SLAMF9: variants seen among roughly 807,000 people sequenced by gnomAD.
SLAMF9 encodes the protein SLAM family member 9, also known as CD2 family member 10.
Under a neutral mutation model 30.4 loss-of-function variants are expected in SLAMF9, and 25 were observed. The ratio of observed to expected loss-of-function variants is 0.82; its 90% confidence interval spans 0.60 to 1.15. SLAMF9 has a LOEUF of 1.15. Among genes scored for constraint, SLAMF9 ranks in the 50% most tolerant of loss-of-function variants. The probability of loss-of-function intolerance (pLI) is 0.00; values close to 1 mark genes in which losing one functional copy is unlikely to be tolerated. For synonymous variants in SLAMF9, 129 were observed against 127.2 expected (o/e 1.01, Z -0.09); for missense variants, 344 against 346.1 (o/e 0.99, Z 0.05).
the SLAMF9 span, among the ~76,000 whole-genome samples, chr1:159,963,055 C>T: frequency 6.6e-6 from 1 of 152,204 alleles, no homozygotes; most frequent in Non-Finnish European, 1.5e-5. Context: ...TGTCGAAGAG[C>T]ATGCCTCTGG....
the SLAMF9 span, chr1:159,977,218 C>T: frequency 6.6e-6 from 1 of 152,214 alleles, no homozygotes; most frequent in Non-Finnish European, 1.5e-5. Context: ...TAAACCCTAT[C>T]TTATAAGACA....
the SLAMF9 span, among the ~76,000 whole-genome samples, chr1:159,977,827 G>C: frequency 2.0e-5 from 3 of 152,198 alleles, no homozygotes; most frequent in African/African-American, 4.8e-5. Context: ...CAGGTGGTCA[G>C]AATGGGACAT....
At position 159,952,416 on chromosome 1, in the gene SLAMF9, G is replaced by A. The variant is rs769793931; in HGVS notation, c.510C>T (p.Leu170=). 6.2e-7 allele frequency: 1 copy of A among 1,614,110 alleles called. No individual in the cohort carries two copies. The highest frequency in any genetic ancestry group is 8.5e-7 in the Non-Finnish European group (1 of 1,180,006). Residue 170 remains leucine, a synonymous_variant, in exon 3 of 4, where the codon CTC becomes CTT. Coordinates refer to ENST00000368093, the MANE Select transcript of SLAMF9 (RefSeq NM_033438.4). ...ATGTATAAGTGCTATCCCCCCGGGA[G>A]AGCCAGCTGTAGGTCATATCCATGC... ...KAGMDMTYSW[L]SRGDSTYTFH...
chr1:159,964,348 C>T, the SLAMF9 span, among the ~76,000 whole-genome samples: 1 of 152,138 alleles, frequency 6.6e-6, no homozygotes, highest in Non-Finnish European at 1.5e-5. Flanking sequence ...TTGGTCTGGC[C>T]TTTGGAGAAT....
chr1:159,960,143 C>G, the SLAMF9 span, among the ~76,000 whole-genome samples: 2 of 150,848 alleles, frequency 1.3e-5, no homozygotes, highest in Non-Finnish European at 3.0e-5. Context: ...TTAGGTATAT[C>G]TCCTAATGCT....
the SLAMF9 span, among the ~76,000 whole-genome samples, chr1:159,977,762 C>G: frequency 1.3e-5 from 2 of 151,598 alleles, no homozygotes; most frequent in African/African-American, 4.9e-5. Context: ...ATGGAGCCAG[C>G]CATCTACACC....
upstream of SLAMF9, among the ~76,000 whole-genome samples, chr1:159,956,847 C>T (rs12759403): frequency 0.024 from 3,635 of 152,136 alleles, 65 homozygotes; most frequent in South Asian, 0.065. Flanking sequence ...AGGCCAGGCA[C>T]GGTGGCTCAC....
upstream of SLAMF9, among the ~76,000 whole-genome samples, chr1:159,957,203 G>A (rs1651941762): frequency 6.6e-6 from 1 of 151,798 alleles, no homozygotes; most frequent in Non-Finnish European, 1.5e-5. Context: ...GAAGCTGTGG[G>A]AGGGGTGGGG....
At chr1:159,983,409 C>G in the SLAMF9 span, 1 of 152,230 alleles carries the variant, frequency 6.6e-6, no homozygotes, top group Non-Finnish European at 1.5e-5. Flanking sequence ...AGGGAAAGTC[C>G]CCCTTTCCTA....
At chr1:159,977,162 C>T in the SLAMF9 span, 2 of 152,164 alleles carry the variant, frequency 1.3e-5, no homozygotes, top group Non-Finnish European at 2.9e-5. Context: ...GCTAAGATGA[C>T]ATCCAGACAG....
intron 1 of SLAMF9, 69 bp from the exon 2 acceptor site, chr1:159,953,722 G>A: frequency 1.4e-6 from 2 of 1,384,534 alleles, no homozygotes; most frequent in Admixed American, 2.1e-5. Context: ...TGGCAGTGGA[G>A]CTGCCAGAGT....
upstream of SLAMF9, among the ~76,000 whole-genome samples, chr1:159,955,282 C>A (rs376922669): frequency 6.6e-6 from 1 of 152,160 alleles, no homozygotes; most frequent in Non-Finnish European, 1.5e-5. Context: ...GTTCTGGATG[C>A]AATGGGCTGC....
chr1:159,973,775 A>C, the SLAMF9 span: 708 of 1,612,700 alleles, frequency 4.4e-4, 2 homozygotes, highest in African/African-American at 4.3e-3. Context: ...CCTGCCCCAC[A>C]AACTCCCAAG....
At chr1:159,973,200 G>A in the SLAMF9 span, 3 of 1,408,368 alleles carry the variant, frequency 2.1e-6, no homozygotes, top group East Asian at 6.9e-5. Flanking sequence ...GTGCAGCTTT[G>A]TTTGACATCT....
Position 159,952,836 on chromosome 1 carries a change from A to G in SLAMF9, c.392-302T>C, listed in dbSNP as rs550876421. On this transcript the variant is annotated intron_variant, in intron 2 of 3. Transcript: ENST00000368093. Reference sequence around the variant, plus strand: ...TTCTGTCTCCTTGATCCCATGAAATATTATCGCCCCTCTCAGGGGCATTTA... The same window carrying G: ...TTCTGTCTCCTTGATCCCATGAAATGTTATCGCCCCTCTCAGGGGCATTTA... Among the ~76,000 whole-genome samples, 7 of 152,300 alleles carry G rather than the reference A, an allele frequency of 4.6e-5. No individual in the cohort carries two copies. In the East Asian group the frequency reaches 1.2e-3, roughly 25 times the overall value.
At chr1:159,980,778 T>A in the SLAMF9 span, 1 of 152,584 alleles carries the variant, frequency 6.6e-6, no homozygotes, top group African/African-American at 2.4e-5. Context: ...CGATCTCAGA[T>A]GATCCACCCG....
At chr1:159,970,658 T>G in the SLAMF9 span, among the ~76,000 whole-genome samples, 2 of 152,330 alleles carry the variant, frequency 1.3e-5, no homozygotes, top group East Asian at 3.9e-4. Context: ...TCTTCCTAAC[T>G]AGTATTTTAT....
At chr1:159,980,089 G>T in the SLAMF9 span, among the ~76,000 whole-genome samples, 1 of 152,140 alleles carries the variant, frequency 6.6e-6, no homozygotes, top group African/African-American at 2.4e-5. Flanking sequence ...GAAGTTTAAG[G>T]CCAATCAGCA....
chr1:159,982,321 C>G, the SLAMF9 span, among the ~76,000 whole-genome samples: 49 of 152,302 alleles, frequency 3.2e-4, 2 homozygotes, highest in Admixed American at 3.2e-3. Context: ...ACACTCTAGT[C>G]TAAACGTCAA....
Sources: gnomAD v4.1 joint callset for allele counts (sites outside exome capture counted in the v4.1 genomes callset) on GRCh38, gnomAD v4.1.1 for gene constraint, MANE v1.5 for transcripts, NCBI Gene and HGNC (gene_info 2026-07-23, HGNC 2026-07-21) for gene names.